TEX11: variants seen among roughly 807,000 people sequenced by gnomAD.
TEX11 encodes testis-expressed protein 11.
TEX11 carries 7 observed loss-of-function variants against 84.4 expected under a neutral mutation model. That is an observed-to-expected ratio of 0.08 (90% CI 0.05 to 0.16). The LOEUF is 0.16. Ranked by LOEUF, TEX11 falls within the 10% of genes least tolerant of loss-of-function variation. The pLI, the probability that TEX11 is intolerant of heterozygous loss-of-function variation, is 1.00. For synonymous variants in TEX11, 264 were observed against 222.8 expected, an observed-to-expected ratio of 1.18 and a Z score of -1.64; for missense variants, 551 against 660.5, an observed-to-expected ratio of 0.83 and a Z score of 1.82.
intron 20 of TEX11, among the ~76,000 whole-genome samples, chrX:70,619,143 T>C (rs774145945): frequency 1.8e-5 from 2 of 111,722 alleles, no homozygotes; most frequent in Non-Finnish European, 3.8e-5. Context: ...CTCAACTTTA[T>C]GTTTCCTACC....
chrX:70,608,470 G>A (rs968081378), intron 22 of TEX11, among the ~76,000 whole-genome samples: 1 of 111,884 alleles, frequency 8.9e-6, no homozygotes, highest in African/African-American at 3.3e-5. Flanking sequence ...GGCCAGGCAC[G>A]GTGGCTTACG....
chrX:70,671,784 C>G (rs1427501614), intron 15 of TEX11, among the ~76,000 whole-genome samples: 1 of 105,409 alleles, frequency 9.5e-6, no homozygotes, highest in Non-Finnish European at 1.9e-5. Flanking sequence ...CATCTTTCTC[C>G]TACAAAACCT....
the TEX11 span, among the ~76,000 whole-genome samples, chrX:70,518,060 T>TA: frequency 2.9e-3 from 322 of 109,448 alleles, 3 homozygotes; most frequent in African/African-American, 9.8e-3. Flanking sequence ...TGTTGATCTT[T>TA]AAAAAAAAAC....
intron 24 of TEX11, among the ~76,000 whole-genome samples, chrX:70,595,296 G>A (rs2088990693): frequency 9.0e-6 from 1 of 110,814 alleles, no homozygotes; most frequent in Admixed American, 9.6e-5. Flanking sequence ...TGTTGGCCAG[G>A]CTGATTTTGA....
chrX:70,833,819 A>G (rs1365283974), intron 7 of TEX11, among the ~76,000 whole-genome samples: 1 of 111,642 alleles, frequency 9.0e-6, no homozygotes, highest in Non-Finnish European at 1.9e-5. Flanking sequence ...GGAGTCATTT[A>G]CTTTTTTCTG....
intron 4 of TEX11, among the ~76,000 whole-genome samples, chrX:70,866,759 G>A (rs1281106215): frequency 8.9e-6 from 1 of 112,085 alleles, no homozygotes; most frequent in Non-Finnish European, 1.9e-5. Context: ...ATCAGTAAAC[G>A]TAATCCGTCG....
intron 2 of TEX11, among the ~76,000 whole-genome samples, chrX:70,881,253 G>A (rs2091681755): frequency 9.3e-6 from 1 of 107,352 alleles, no homozygotes; most frequent in African/African-American, 3.4e-5. Context: ...CTTGAGCCTG[G>A]GAGGTTGAGG....
chrX:70,520,103 C>T, the TEX11 span, among the ~76,000 whole-genome samples: 9 of 111,728 alleles, frequency 8.1e-5, no homozygotes, highest in African/African-American at 1.6e-4. Flanking sequence ...ACCGACCTTC[C>T]GAAGCCTAGT....
At chrX:70,835,270 C>T (rs969551428) in intron 7 of TEX11, among the ~76,000 whole-genome samples, 1 of 111,950 alleles carries the variant, frequency 8.9e-6, no homozygotes, top group Admixed American at 9.5e-5. Flanking sequence ...CAATATGAGA[C>T]TTTAATGTTC....
At chrX:70,570,387 A>G (rs758748329) in intron 25 of TEX11, among the ~76,000 whole-genome samples, 1 of 112,148 alleles carries the variant, frequency 8.9e-6, no homozygotes, top group Non-Finnish European at 1.9e-5. Flanking sequence ...GCCCTGCTTC[A>G]GCTCACTCAC....
At position 70,740,043 on chromosome X, in the gene TEX11, T is replaced by C. The variant is rs138761955; in HGVS notation, c.843+658A>G. On this transcript the variant is annotated intron_variant, in intron 11 of 29. Transcript: ENST00000374333. The stretch of plus-strand genomic sequence containing the variant: ...TAAAATTAAATCCCATTATTCTGCG[T>C]ATTTTATCATTTACTTCTTCATCCT... 4.0e-3 allele frequency among the ~76,000 whole-genome samples: 447 copies of C among 112,168 alleles called. 2 individuals are homozygous for C. Among genetic ancestry groups the C allele is most frequent in the African/African-American group, 0.014 (433 of 30,911 alleles).
At chrX:70,524,072 C>T (rs1256175335), downstream of TEX11, among the ~76,000 whole-genome samples, 1 of 111,720 alleles carries the variant, frequency 9.0e-6, no homozygotes, top group Non-Finnish European at 1.9e-5. Context: ...TCACTCATGA[C>T]ATTCTTGTGA....
chrX:70,818,607 C>G (rs1230096926), intron 8 of TEX11, among the ~76,000 whole-genome samples: 2 of 110,853 alleles, frequency 1.8e-5, no homozygotes, highest in African/African-American at 3.3e-5. Context: ...CCAAAGCCCA[C>G]AACCAATGCA....
At chrX:70,860,683 G>A (rs1280782857) in intron 5 of TEX11, among the ~76,000 whole-genome samples, 174 bp downstream of exon 5, 2 of 111,792 alleles carry the variant, frequency 1.8e-5, no homozygotes, top group East Asian at 2.8e-4. Context: ...AGTATTCTGA[G>A]AACTTTAGCG....
At chrX:70,695,195 T>C (rs2090269636) in intron 13 of TEX11, among the ~76,000 whole-genome samples, 1 of 112,296 alleles carries the variant, frequency 8.9e-6, no homozygotes, top group African/African-American at 3.2e-5. Flanking sequence ...GCAGCTTTAT[T>C]TGTAATGTCC....
intron 8 of TEX11, 42 bp downstream of exon 8, chrX:70,833,471 T>C: frequency 1.9e-6 from 2 of 1,060,001 alleles, no homozygotes; most frequent in Non-Finnish European, 2.6e-6. Context: ...GAACTTGATA[T>C]AGCATATTTT....
chrX:70,650,868 C>G (rs1427786755), intron 17 of TEX11, among the ~76,000 whole-genome samples: 3 of 111,904 alleles, frequency 2.7e-5, no homozygotes, highest in Non-Finnish European at 3.8e-5. Context: ...TATCTATAAC[C>G]AATTCAACAT....
At chrX:70,808,023 G>A (rs1296299611) in intron 8 of TEX11, among the ~76,000 whole-genome samples, 1 of 97,203 alleles carries the variant, frequency 1.0e-5, no homozygotes, top group Non-Finnish European at 2.0e-5. Flanking sequence ...ACAATCTCTT[G>A]AACCCAGGAG....
intron 8 of TEX11, among the ~76,000 whole-genome samples, chrX:70,830,778 G>A (rs928509035): frequency 4.5e-5 from 5 of 112,029 alleles, no homozygotes; most frequent in African/African-American, 1.6e-4. Context: ...CCTCACATCT[G>A]TTAGAATGTC....
Sources: allele counts gnomAD v4.1 joint callset (sites outside exome capture counted in the v4.1 genomes callset), GRCh38; gene constraint gnomAD v4.1.1; transcripts MANE v1.5; gene names NCBI Gene and HGNC (gene_info 2026-07-23, HGNC 2026-07-21).